NRXN2: variants seen among roughly 807,000 people sequenced by gnomAD.
NRXN2 encodes the protein neurexin 2.
In NRXN2, 29 loss-of-function variants were observed where a neutral mutation model predicts 128.8. The ratio of observed to expected loss-of-function variants is 0.23; its 90% CI spans 0.17 to 0.31. NRXN2 has a LOEUF of 0.31. Ranked by LOEUF, NRXN2 falls within the 10% of genes least tolerant of loss-of-function variation. The pLI is 1.00. For missense variants in NRXN2, 1,881 were observed against 2,452.6 expected, an observed-to-expected ratio of 0.77 and a Z score of 4.92; for synonymous variants, 1,098 against 1,075.2, an observed-to-expected ratio of 1.02 and a Z score of -0.41.
rs2039724782 is a variant in NRXN2 at position 64,606,962 on chromosome 11, C to G, written c.*234G>C. On this transcript the variant is annotated 3_prime_UTR_variant, in exon 23 of 23. Transcript: ENST00000265459. Reference sequence around the variant, plus strand: ...GTGAGCACGTGCCCTGCCTGGCAGGCGCAGAGCTGAGAGGGACAGTCAGCC... The same window carrying G: ...GTGAGCACGTGCCCTGCCTGGCAGGGGCAGAGCTGAGAGGGACAGTCAGCC... The G allele has an allele frequency of 1.8e-6, 1 of 568,650 alleles. No homozygotes were observed. Among genetic ancestry groups the G allele is most frequent in the Non-Finnish European group, 3.1e-6 (1 of 318,892 alleles). The allele number at this position is 568,650 out of a possible 1,614,324, so 35.2% of individuals were successfully genotyped here.
intron 17 of NRXN2, chr11:64,643,347 G>A: frequency 4.3e-6 from 4 of 920,694 alleles, no homozygotes; most frequent in Non-Finnish European, 3.9e-6. Flanking sequence ...GGGGAAAGGA[G>A]GGAGCGGCCG....
intron 22 of NRXN2, among the ~76,000 whole-genome samples, chr11:64,617,836 T>C (rs1480451924): frequency 6.6e-6 from 1 of 152,196 alleles, no homozygotes; most frequent in African/African-American, 2.4e-5. Flanking sequence ...GGATCCATCG[T>C]TAAACCTTTC....
intron 9 of NRXN2, among the ~76,000 whole-genome samples, chr11:64,664,814 A>G (rs2049566143): frequency 6.7e-6 from 1 of 148,608 alleles, no homozygotes; most frequent in South Asian, 2.1e-4. Flanking sequence ...ACACAGTGAA[A>G]CCCCGTCTCC....
intron 22 of NRXN2, among the ~76,000 whole-genome samples, chr11:64,613,126 C>T (rs778101066): frequency 7.2e-5 from 11 of 152,200 alleles, no homozygotes; most frequent in Non-Finnish European, 1.2e-4. Flanking sequence ...AAGAAAAAAA[C>T]GGTACATTGT....
intron 3 of NRXN2, among the ~76,000 whole-genome samples, chr11:64,693,234 T>C (rs1248552465): frequency 6.6e-6 from 1 of 151,076 alleles, no homozygotes; most frequent in African/African-American, 2.4e-5. Flanking sequence ...GGTTTCTTTT[T>C]TTCTTCTTGC....
intron 2 of NRXN2, among the ~76,000 whole-genome samples, chr11:64,703,704 T>A (rs2055813923): frequency 6.6e-6 from 1 of 152,122 alleles, no homozygotes; most frequent in East Asian, 1.9e-4. Context: ...CCTCTATAAC[T>A]CACACTCAGT....
chr11:64,694,574 G>A (rs1044067401), intron 3 of NRXN2, among the ~76,000 whole-genome samples: 8 of 152,168 alleles, frequency 5.3e-5, no homozygotes, highest in South Asian at 2.1e-4. Context: ...GGCCACAGCC[G>A]CTGAGGGCAG....
At chr11:64,677,186 A>G in intron 6 of NRXN2, 149 bp from the exon 7 acceptor site, 2 of 582,298 alleles carry the variant, frequency 3.4e-6, no homozygotes, top group Middle Eastern at 6.6e-4. Context: ...ATATCCATAT[A>G]TATTTGGTTG....
chr11:64,650,345 G>A lies in NRXN2; in HGVS notation c.3109+103C>T, dbSNP rs576175437. ...CAGGGAAAGAGAGGTGGAAACTGGG[G>A]GCAGGGAACCGAGGGAAGCAGCGTC... is the stretch of plus-strand genomic sequence containing the variant. On this transcript the variant is annotated intron_variant, in intron 15 of 22. Coordinates refer to ENST00000265459, the MANE Select transcript of NRXN2 (RefSeq NM_015080.4). The A allele has an allele frequency of 5.1e-6, 6 of 1,186,636 alleles. No individual in the cohort carries two copies. The East Asian group carries it at 7.0e-5, about 14-fold the overall frequency. 73.5% of individuals were successfully genotyped at this position (1,186,636 alleles called of 1,614,324 possible).
intron 6 of NRXN2, among the ~76,000 whole-genome samples, chr11:64,678,614 T>C (rs1222054791): frequency 6.6e-6 from 1 of 152,160 alleles, no homozygotes; most frequent in Non-Finnish European, 1.5e-5. Context: ...CACTCTCATG[T>C]GGTTCTAAGT....
intron 15 of NRXN2, among the ~76,000 whole-genome samples, chr11:64,649,955 G>A (rs564108461): frequency 6.7e-4 from 102 of 152,094 alleles, no homozygotes; most frequent in African/African-American, 2.3e-3. Context: ...ACCCTGATGT[G>A]ACCCTGAGCA....
At chr11:64,620,523 T>C in intron 21 of NRXN2, 151 bp from the exon 22 acceptor site, 1 of 686,842 alleles carries the variant, frequency 1.5e-6, no homozygotes, top group Non-Finnish European at 2.6e-6. Context: ...CATCTCTTGC[T>C]GGCTGACCTC....
rs1249561688 is a variant in NRXN2, at chr11:64,701,790, C to T, written c.731-3998G>A. On this transcript the variant is annotated intron_variant, in intron 2 of 22. Transcript: ENST00000265459. ...GGGGGGGAAGTGGGGGGATCAGCCC[C>T]CCGTCCGGCCAGCCGCCCCGTCCGG... Among the ~76,000 whole-genome samples the T allele has an allele frequency of 2.0e-5, 3 of 152,186 alleles. No homozygotes were observed. In the South Asian group the frequency reaches 6.2e-4, roughly 32 times the overall value.
intron 22 of NRXN2, among the ~76,000 whole-genome samples, chr11:64,615,474 A>C (rs1171707977): frequency 6.6e-6 from 1 of 152,238 alleles, no homozygotes; most frequent in Non-Finnish European, 1.5e-5. Flanking sequence ...CTGTGGAGTT[A>C]AGCCTGCATG....
At chr11:64,712,604 C>G in intron 2 of NRXN2, 1 of 437,394 alleles carries the variant, frequency 2.3e-6, no homozygotes, top group Non-Finnish European at 4.8e-6. Flanking sequence ...CCTGTCCACG[C>G]AGACCCCCAC....
At chr11:64,647,976 G>A (rs747912693) in intron 17 of NRXN2, among the ~76,000 whole-genome samples, 12 of 152,324 alleles carry the variant, frequency 7.9e-5, no homozygotes, top group Non-Finnish European at 1.8e-4. Flanking sequence ...AGGAGGAGAG[G>A]CCATCTATCA....
intron 21 of NRXN2, among the ~76,000 whole-genome samples, chr11:64,621,442 C>T (rs1322799927): frequency 6.6e-6 from 1 of 152,170 alleles, no homozygotes; most frequent in Non-Finnish European, 1.5e-5. Flanking sequence ...CCTGCTCCCT[C>T]GGGGCAAAGT....
chr11:64,708,698 A>G (rs2056589415), intron 2 of NRXN2, among the ~76,000 whole-genome samples: 1 of 152,270 alleles, frequency 6.6e-6, no homozygotes, highest in Non-Finnish European at 1.5e-5. Flanking sequence ...CAAACATCTG[A>G]AGGCAGATTG....
chr11:64,619,216 G>T (rs1389017572), intron 22 of NRXN2, among the ~76,000 whole-genome samples: 2 of 152,018 alleles, frequency 1.3e-5, no homozygotes, highest in Non-Finnish European at 2.9e-5. Context: ...AGGTAATGGG[G>T]AGAAGTCTCC....
Sources: gnomAD v4.1 joint callset for allele counts (sites outside exome capture counted in the v4.1 genomes callset) on GRCh38, gnomAD v4.1.1 for gene constraint, MANE v1.5 for transcripts, NCBI Gene and HGNC (gene_info 2026-07-23, HGNC 2026-07-21) for gene names.